Variants in ACER1 observed in about 807,000 individuals in gnomAD.
ACER1 encodes the protein CTB-180A7.3.
Under a neutral mutation model 24.9 loss-of-function variants are expected in ACER1, and 28 were observed. The ratio of observed to expected loss-of-function variants is 1.13; its 90% CI spans 0.83 to 1.54. The LOEUF (loss-of-function observed/expected upper bound fraction) is 1.54. ACER1 is among the 40% of genes most tolerant of loss of function. The pLI is 0.00. For missense variants in ACER1, 352 were observed against 349.3 expected, an observed-to-expected ratio of 1.01 and a Z score of -0.06; for synonymous variants, 132 against 131.4, an observed-to-expected ratio of 1.00 and a Z score of -0.03.
the ACER1 span, among the ~76,000 whole-genome samples, chr19:6,351,953 G>A: frequency 4.6e-5 from 7 of 151,746 alleles, no homozygotes; most frequent in Admixed American, 6.6e-5. Context: ...CTACTCGGGA[G>A]GCTGAGGCAG....
intron 1 of ACER1, among the ~76,000 whole-genome samples, chr19:6,324,958 G>T (rs1419245858): frequency 6.6e-6 from 1 of 151,932 alleles, no homozygotes; most frequent in African/African-American, 2.4e-5. Flanking sequence ...CCAGAAGAAG[G>T]CTGCACCTGG....
At chr19:6,323,748 A>T (rs1390134377) in intron 1 of ACER1, among the ~76,000 whole-genome samples, 2 of 152,104 alleles carry the variant, frequency 1.3e-5, no homozygotes, top group Non-Finnish European at 2.9e-5. Flanking sequence ...TCCAGTAATT[A>T]ATTGTTTTTG....
chr19:6,331,755 T>C (rs549285242), intron 1 of ACER1, among the ~76,000 whole-genome samples: 2 of 150,646 alleles, frequency 1.3e-5, no homozygotes, highest in South Asian at 4.3e-4. Context: ...GATCGCGCCA[T>C]TACATTCCAG....
rs915974635 is a variant in ACER1, at chr19:6,315,580, C to T, written c.94-3081G>A. Among the ~76,000 whole-genome samples, 8 of 151,984 alleles carry T rather than the reference C, an allele frequency of 5.3e-5. No homozygotes were observed. The East Asian group carries it at 5.8e-4, about 11-fold the overall frequency. ...ATTTTTAGTAGAGGCGGAGTTTCAC[C>T]GTGTTAGTCAGGATGGTCTCGATCT... On this transcript the variant is annotated intron_variant, in intron 1 of 5. Coordinates refer to ENST00000301452, the MANE Select transcript of ACER1 (RefSeq NM_133492.3).
intron 1 of ACER1, among the ~76,000 whole-genome samples, chr19:6,330,194 G>C (rs1463744635): frequency 7.2e-6 from 1 of 139,324 alleles, no homozygotes; most frequent in East Asian, 2.0e-4. Context: ...TTGAGATGGA[G>C]TCTTGCTCTG....
intron 1 of ACER1, among the ~76,000 whole-genome samples, chr19:6,316,960 C>G (rs1193443254): frequency 6.6e-6 from 1 of 150,456 alleles, no homozygotes; most frequent in Non-Finnish European, 1.5e-5. Context: ...GTCTCTTTCC[C>G]TCCCCATCTT....
chr19:6,347,109 A>AAAAAAAAAAAAAAT, the ACER1 span, among the ~76,000 whole-genome samples: 299 of 113,748 alleles, frequency 2.6e-3, 3 homozygotes, highest in Non-Finnish European at 3.6e-3. Context: ...AAAAAAAAAA[A>AAAAAAAAAAAAAAT]ATATATATAT....
chr19:6,352,899 A>T, the ACER1 span, among the ~76,000 whole-genome samples: 7 of 152,354 alleles, frequency 4.6e-5, no homozygotes, highest in East Asian at 3.9e-4. Context: ...GGTAACAGTG[A>T]TGACAGCTTC....
chr19:6,343,204 C>T, the ACER1 span, among the ~76,000 whole-genome samples: 85 of 152,322 alleles, frequency 5.6e-4, 1 homozygote, highest in South Asian at 0.017. Flanking sequence ...TTACTGGGTA[C>T]AGTAGTTCAA....
At position 6,319,000 on chromosome 19, in the gene ACER1, C is replaced by A. The variant is rs560559384; in HGVS notation, c.94-6501G>T. Among the ~76,000 whole-genome samples the A allele has an allele frequency of 4.6e-5, 7 of 151,804 alleles. No homozygotes were observed. The South Asian group carries it at 1.2e-3, about 27-fold the overall frequency. ...AAAGCAGGACACATCATCAATGGTA[C>A]CTTGCAGGCTGATGCGGGCCATGCA... On this transcript the variant is annotated intron_variant, in intron 1 of 5. Coordinates refer to ENST00000301452, the MANE Select transcript of ACER1 (RefSeq NM_133492.3).
chr19:6,321,516 G>C (rs1409208724), intron 1 of ACER1, among the ~76,000 whole-genome samples: 1 of 152,158 alleles, frequency 6.6e-6, no homozygotes, highest in Non-Finnish European at 1.5e-5. Flanking sequence ...CTGGCATCTT[G>C]TAGCCTTGAC....
At chr19:6,351,272 A>G in the ACER1 span, among the ~76,000 whole-genome samples, 1 of 152,108 alleles carries the variant, frequency 6.6e-6, no homozygotes, top group Non-Finnish European at 1.5e-5. Context: ...AGTCTGAGGC[A>G]GGAGAATCAC....
the ACER1 span, among the ~76,000 whole-genome samples, chr19:6,352,203 C>T: frequency 3.3e-5 from 5 of 152,154 alleles, no homozygotes; most frequent in Admixed American, 6.6e-5. Flanking sequence ...GCCACTCCTC[C>T]GCCGAGTCTA....
At position 6,322,370 on chromosome 19, in the gene ACER1, AAAATATGTAGCAG is replaced by A. The variant is rs1350140012; in HGVS notation, c.94-9884_94-9872del. 6.6e-5 allele frequency among the ~76,000 whole-genome samples: 10 copies of A among 152,346 alleles called. No homozygotes were observed. In the East Asian group the frequency reaches 1.9e-3, roughly 29 times the overall value. ...TGATCTAAAGATGTAAATGAAAGAC[AAAATATGTAGCAG>A]AAATATGTAGCAGCTCCTATTTGAC... is the stretch of plus-strand genomic sequence containing the variant. On this transcript the variant is annotated intron_variant, in intron 1 of 5. Coordinates refer to ENST00000301452, the MANE Select transcript of ACER1 (RefSeq NM_133492.3).
At chr19:6,330,826 T>C (rs2091683497) in intron 1 of ACER1, among the ~76,000 whole-genome samples, 1 of 149,606 alleles carries the variant, frequency 6.7e-6, no homozygotes, top group Non-Finnish European at 1.5e-5. Context: ...CAAGAATCAG[T>C]GAGACCGTGA....
At chr19:6,359,397 C>T in the ACER1 span, among the ~76,000 whole-genome samples, 1 of 150,868 alleles carries the variant, frequency 6.6e-6, no homozygotes, top group African/African-American at 2.4e-5. Flanking sequence ...CGGCTCTCTG[C>T]AACCTCTGCC....
the ACER1 span, among the ~76,000 whole-genome samples, chr19:6,339,447 G>A: frequency 6.6e-6 from 1 of 151,942 alleles, no homozygotes; most frequent in African/African-American, 2.4e-5. Flanking sequence ...AGAACGGGGG[G>A]TATGAGGGGC....
At chr19:6,347,132 A>ATATATATATATATATATATATATG in the ACER1 span, among the ~76,000 whole-genome samples, 2 of 118,168 alleles carry the variant, frequency 1.7e-5, no homozygotes, top group African/African-American at 6.9e-5. Context: ...ATATATATAT[A>ATATATATATATATATATATATATG]AAATAATAAT....
At chr19:6,307,103 C>T in intron 5 of ACER1, 50 bp downstream of exon 5, 1 of 1,607,064 alleles carries the variant, frequency 6.2e-7, no homozygotes, top group Non-Finnish European at 8.5e-7. Context: ...GCTTTGGCAT[C>T]TAAGATTCTC....
Sources: gnomAD v4.1 joint callset for allele counts (sites outside exome capture counted in the v4.1 genomes callset) on GRCh38, gnomAD v4.1.1 for gene constraint, MANE v1.5 for transcripts, NCBI Gene and HGNC (gene_info 2026-07-23, HGNC 2026-07-21) for gene names.